The following KIF26B variants were observed in gnomAD, a reference collection of about 807,000 sequenced individuals.
The protein encoded by KIF26B is kinesin family member 26B.
Under a neutral mutation model 151.2 loss-of-function variants are expected in KIF26B, and 63 were observed. That is an observed-to-expected ratio of 0.42 (90% CI 0.34 to 0.51). The LOEUF is 0.51. KIF26B is among the 20% of genes least tolerant of loss of function. The pLI is 0.07. For missense variants in KIF26B, 2,813 were observed against 2,913.6 expected (o/e 0.97, Z 0.79); for synonymous variants, 1,357 against 1,262.1 (o/e 1.08, Z -1.59).
intron 2 of KIF26B, among the ~76,000 whole-genome samples, chr1:245,275,832 G>A (rs1004115721): frequency 6.6e-6 from 1 of 152,074 alleles, no homozygotes; most frequent in African/African-American, 2.4e-5. Flanking sequence ...TTCTTGTAAA[G>A]TCAGTCTAGT....
intron 5 of KIF26B, among the ~76,000 whole-genome samples, chr1:245,599,666 C>G (rs1210198180): frequency 6.6e-6 from 1 of 152,198 alleles, no homozygotes; most frequent in Non-Finnish European, 1.5e-5. Flanking sequence ...TTGCAATGCT[C>G]AGAGGCTGGG....
intron 2 of KIF26B, among the ~76,000 whole-genome samples, chr1:245,345,457 C>T (rs1198640467): frequency 6.6e-6 from 1 of 152,222 alleles, no homozygotes; most frequent in Non-Finnish European, 1.5e-5. Context: ...ACTCACCACG[C>T]CTTTCCACGG....
At chr1:245,501,944 T>C in intron 4 of KIF26B, among the ~76,000 whole-genome samples, 1 of 152,214 alleles carries the variant, frequency 6.6e-6, no homozygotes, top group East Asian at 1.9e-4. Context: ...ATCTATATAA[T>C]AATCTGAGAA....
intron 2 of KIF26B, among the ~76,000 whole-genome samples, chr1:245,275,139 T>C (rs1425807406): frequency 6.6e-6 from 1 of 152,190 alleles, no homozygotes; most frequent in Non-Finnish European, 1.5e-5. Flanking sequence ...TTTTGAGAAG[T>C]GTCTGTTTAT....
At chr1:245,370,543 T>C in intron 3 of KIF26B, 1 of 455,778 alleles carries the variant, frequency 2.2e-6, no homozygotes, top group South Asian at 1.6e-5. Context: ...CACATACTTG[T>C]GTTACACAGA....
rs966885094 is a variant in KIF26B at position 245,540,167 on chromosome 1, T to G, written c.1167-600T>G. ...CCTCCCTGCACAATATCCTCTTATC[T>G]ACGTAAGCAGCCCATAGCCTCAGCG... On this transcript the variant is annotated intron_variant, in intron 4 of 14. Coordinates refer to ENST00000407071, the MANE Select transcript of KIF26B (RefSeq NM_018012.4). This position sits in a 1 kb window ranked among gnomAD's most constrained non-coding sequence, Gnocchi z 4.6. Among the ~76,000 whole-genome samples, 1 of 152,156 alleles carries G rather than the reference T, an allele frequency of 6.6e-6. No homozygotes were observed. The highest frequency in any genetic ancestry group is 2.4e-5 in the African/African-American group (1 of 41,444).
At chr1:245,366,159 C>T (rs1278689487) in intron 2 of KIF26B, among the ~76,000 whole-genome samples, 2 of 152,174 alleles carry the variant, frequency 1.3e-5, no homozygotes, top group Non-Finnish European at 2.9e-5. Context: ...CATATCATGC[C>T]TGGACAAATG....
chr1:245,527,610 T>C lies in KIF26B; in HGVS notation c.1167-13157T>C, dbSNP rs567317536. Among the ~76,000 whole-genome samples, 37 of 133,310 alleles carry C rather than the reference T, an allele frequency of 2.8e-4. No homozygotes were observed. In the Middle Eastern group the frequency reaches 0.014, roughly 49 times the overall value. The allele number at this position is 133,310 out of a possible 152,430, so 87.5% of individuals were successfully genotyped here. A position where few individuals can be genotyped will look rare whatever the true frequency, so the allele number is the denominator to read the frequency against. On this transcript the variant is annotated intron_variant, in intron 4 of 14. Transcript: ENST00000407071. ...GCGCAGTGGCGTGATCTCGGCTCAC[T>C]GCAAGCTCCACCTCCCGGGTTCATG...
intron 2 of KIF26B, among the ~76,000 whole-genome samples, chr1:245,262,820 G>T (rs76813560): frequency 6.6e-6 from 1 of 152,164 alleles, no homozygotes; most frequent in Admixed American, 6.5e-5. Flanking sequence ...TTTTTAGAAG[G>T]ATGAAAGACA....
At chr1:245,561,948 G>GGCCT (rs1175480128) in intron 5 of KIF26B, among the ~76,000 whole-genome samples, 1 of 152,036 alleles carries the variant, frequency 6.6e-6, no homozygotes, top group Non-Finnish European at 1.5e-5. Context: ...AGCTTTCTGT[G>GGCCT]GCCTGATTTT....
In KIF26B at chr1:245,261,441, CGCTT is replaced by C. The variant is rs376655378; in HGVS notation, c.465+104771_465+104774del. 3.8e-3 allele frequency among the ~76,000 whole-genome samples: 569 copies of C among 151,156 alleles called. 6 individuals carry two copies. Among genetic ancestry groups the C allele is most frequent in the African/African-American group, 0.013 (523 of 41,144 alleles). The stretch of plus-strand genomic sequence containing the variant: ...CCACCGCGCCCAGCTTGTTCGCGCT[CGCTT>C]GCTTGCTTGCTTTTTCTTTCTTTCT... On this transcript the variant is annotated intron_variant, in intron 2 of 14. Coordinates refer to ENST00000407071, the MANE Select transcript of KIF26B (RefSeq NM_018012.4).
chr1:245,400,703 A>G (rs965981279), intron 3 of KIF26B, among the ~76,000 whole-genome samples: 2 of 152,178 alleles, frequency 1.3e-5, no homozygotes, highest in Admixed American at 6.5e-5. Flanking sequence ...AGACTTTTTT[A>G]TATTGATTAC....
At chr1:245,259,935 A>C (rs969971134) in intron 2 of KIF26B, among the ~76,000 whole-genome samples, 22 of 35,874 alleles carry the variant, frequency 6.1e-4, no homozygotes, top group Non-Finnish European at 8.5e-4. Flanking sequence ...GTCCTGTCTC[A>C]AAAAAAAAAA....
At chr1:245,513,279 C>T (rs1250287797) in intron 4 of KIF26B, among the ~76,000 whole-genome samples, 1 of 147,436 alleles carries the variant, frequency 6.8e-6, no homozygotes, top group African/African-American at 2.5e-5. Flanking sequence ...TGCTTTTTAG[C>T]AGTGAATGAG....
At chr1:245,484,427 T>G (rs1660231738) in intron 4 of KIF26B, among the ~76,000 whole-genome samples, 1 of 151,820 alleles carries the variant, frequency 6.6e-6, no homozygotes, top group African/African-American at 2.4e-5. Flanking sequence ...CTAGGTCGCC[T>G]GACAGAGGCC....
intron 2 of KIF26B, among the ~76,000 whole-genome samples, chr1:245,293,619 C>A (rs1215954791): frequency 6.8e-6 from 1 of 148,136 alleles, no homozygotes; most frequent in African/African-American, 2.5e-5. Flanking sequence ...ACTCTTGTTG[C>A]CTAGGCTGGA....
At chr1:245,623,188 A>AC (rs1444967986) in intron 9 of KIF26B, among the ~76,000 whole-genome samples, 1 of 151,690 alleles carries the variant, frequency 6.6e-6, no homozygotes, top group East Asian at 1.9e-4. Context: ...TATATTCTTC[A>AC]CCCCCAAAAG....
At chr1:245,270,343 C>CTT in intron 2 of KIF26B, among the ~76,000 whole-genome samples, 1 of 142,154 alleles carries the variant, frequency 7.0e-6, no homozygotes. Flanking sequence ...CTTTCCCTTC[C>CTT]CTTCCTCCTT....
At chr1:245,579,242 A>G (rs1218282326) in intron 5 of KIF26B, among the ~76,000 whole-genome samples, 1 of 152,222 alleles carries the variant, frequency 6.6e-6, no homozygotes, top group East Asian at 1.9e-4. Flanking sequence ...CCACCAGTTA[A>G]ACGAAGAACA....
Sources: gnomAD v4.1 joint callset for allele counts (sites outside exome capture counted in the v4.1 genomes callset) on GRCh38, gnomAD v4.1.1 for gene constraint, Gnocchi (gnomAD v3.1) non-coding constraint, MANE v1.5 for transcripts, NCBI Gene and HGNC (gene_info 2026-07-23, HGNC 2026-07-21) for gene names.